Variants in CRPPA observed in about 807,000 individuals in gnomAD.
CRPPA encodes the protein D-ribitol-5-phosphate cytidylyltransferase.
A neutral mutation model predicts 52.0 loss-of-function variants in CRPPA; 43 were observed. The observed-to-expected ratio is 0.83, with a 90% CI of 0.65 to 1.07. The LOEUF (loss-of-function observed/expected upper bound fraction) is 1.07. Ranked by LOEUF, CRPPA falls within the 50% of genes least tolerant of loss-of-function variation. The pLI, the probability that CRPPA is intolerant of heterozygous loss-of-function variation, is 0.00. For synonymous variants in CRPPA, 250 were observed against 203.5 expected, an observed-to-expected ratio of 1.23 and a Z score of -1.94; for missense variants, 629 against 551.7, an observed-to-expected ratio of 1.14 and a Z score of -1.40.
intron 2 of CRPPA, among the ~76,000 whole-genome samples, chr7:16,396,638 G>A (rs1298744864): frequency 6.6e-6 from 1 of 152,220 alleles, no homozygotes; most frequent in Non-Finnish European, 1.5e-5. Flanking sequence ...ATATGTAGCA[G>A]CACAACTTGC....
chr7:16,209,745 AAC>A (rs1782079827), intron 9 of CRPPA, among the ~76,000 whole-genome samples: 1 of 152,222 alleles, frequency 6.6e-6, no homozygotes, highest in African/African-American at 2.4e-5. Flanking sequence ...TGTATATAAG[AAC>A]ACGCTACTAA....
intron 9 of CRPPA, among the ~76,000 whole-genome samples, chr7:16,152,737 G>A (rs1783101664): frequency 6.6e-6 from 1 of 151,972 alleles, no homozygotes. Context: ...ATGATTTTAA[G>A]ATTATTCCCA....
chr7:16,291,171 C>A (rs1784556517), intron 5 of CRPPA, among the ~76,000 whole-genome samples: 1 of 151,926 alleles, frequency 6.6e-6, no homozygotes, highest in Non-Finnish European at 1.5e-5. Flanking sequence ...CTCTTATACG[C>A]TGCTAGTGGA....
intron 3 of CRPPA, among the ~76,000 whole-genome samples, chr7:16,315,345 G>A (rs1785122574): frequency 6.6e-6 from 1 of 152,096 alleles, no homozygotes; most frequent in Non-Finnish European, 1.5e-5. Flanking sequence ...TAATTTCAAT[G>A]TTGCCATATC....
At chr7:16,242,298 A>T (rs2128406867) in intron 8 of CRPPA, among the ~76,000 whole-genome samples, 1 of 152,060 alleles carries the variant, frequency 6.6e-6, no homozygotes, top group South Asian at 2.1e-4. Flanking sequence ...AAATTTTATG[A>T]ATTTACCTTT....
Position 16,358,860 on chromosome 7 carries a change from G to A in CRPPA, c.684+17232C>T, listed in dbSNP as rs576412101. 7.5e-4 allele frequency among the ~76,000 whole-genome samples: 114 copies of A among 152,234 alleles called. 1 individual carries two copies. The highest frequency in any genetic ancestry group is 1.4e-3 in the Admixed American group (22 of 15,284). On this transcript the variant is annotated intron_variant, in intron 3 of 9. Coordinates refer to ENST00000407010, the MANE Select transcript of CRPPA (RefSeq NM_001101426.4). ...CATACAATGCAAAATTACATCTTTA[G>A]CTCCCAAACTGAAACATCAAGTTTT...
intron 5 of CRPPA, among the ~76,000 whole-genome samples, chr7:16,301,076 G>C (rs1784781272): frequency 6.6e-6 from 1 of 152,106 alleles, no homozygotes; most frequent in Admixed American, 6.5e-5. Context: ...CACTGTTAAG[G>C]GGAGAGGGCA....
chr7:16,186,871 C>T (rs1377206049), intron 9 of CRPPA, among the ~76,000 whole-genome samples: 1 of 152,242 alleles, frequency 6.6e-6, no homozygotes, highest in East Asian at 1.9e-4. Flanking sequence ...GTCCCACCAT[C>T]AATGGATTCA....
intron 9 of CRPPA, among the ~76,000 whole-genome samples, chr7:16,168,558 C>T (rs1437764978): frequency 6.6e-6 from 1 of 151,676 alleles, no homozygotes; most frequent in Admixed American, 6.6e-5. Context: ...CACACACACA[C>T]ACACACACAC....
Position 16,308,621 on chromosome 7 carries a change from C to A in CRPPA, c.691G>T (p.Asp231Tyr). 6.3e-7 allele frequency: 1 copy of A among 1,587,400 alleles called. No individual in the cohort carries two copies. The highest frequency in any genetic ancestry group is 8.6e-7 in the Non-Finnish European group (1 of 1,158,236). Residue 231 changes from aspartate (D) to tyrosine (Y), a missense_variant, in exon 4 of 10, where the codon GAC becomes TAC. Asp to Tyr is a radical substitution (Grantham distance 160). Coordinates refer to ENST00000407010, the MANE Select transcript of CRPPA (RefSeq NM_001101426.4). ...TCAGTTCCAAATTCCAAGTCATAGTCACTACACTGGTGTGGAAACAACAAC... is the reference window on the plus strand; with the variant it reads ...TCAGTTCCAAATTCCAAGTCATAGTAACTACACTGGTGTGGAAACAACAAC... ...VIYEAYQQCS[D>Y]YDLEFGTECL...
chr7:16,419,495 A>G (rs191494417), intron 1 of CRPPA, among the ~76,000 whole-genome samples: 30 of 151,950 alleles, frequency 2.0e-4, no homozygotes, highest in Non-Finnish European at 2.7e-4. Context: ...CAGGACTAAC[A>G]AATTAGCTAC....
intron 3 of CRPPA, among the ~76,000 whole-genome samples, chr7:16,328,170 T>G (rs1201406649): frequency 2.0e-5 from 3 of 152,228 alleles, no homozygotes; most frequent in South Asian, 2.1e-4. Context: ...TCCAGGATAC[T>G]TAAGTCTTTT....
rs2128321603 is a variant in CRPPA at position 16,421,453 on chromosome 7, G to T, written c.-131C>A. ...GACGCAGAGCGCGCAAGCAGAAGGC[G>T]CCCCCCTCAGCCGTCGGAGCCCCGC... On this transcript the variant is annotated 5_prime_UTR_variant, in exon 1 of 10. Coordinates refer to ENST00000407010, the MANE Select transcript of CRPPA (RefSeq NM_001101426.4). 2.3e-6 allele frequency: 2 copies of T among 876,176 alleles called. No homozygotes were observed. The highest frequency in any genetic ancestry group is 1.5e-6 in the Non-Finnish European group (1 of 671,500). The allele number at this position is 876,176 out of a possible 1,614,324, so 54.3% of individuals were successfully genotyped here.
rs116095786 is a variant in CRPPA at position 16,303,895 on chromosome 7, T to C, written c.790-2429A>G. Reference sequence around the variant, plus strand: ...TCAAAAGTCATTCATTCCAATAATATTGTGATTACACAAAAACTTCAGAAA... The same window carrying C: ...TCAAAAGTCATTCATTCCAATAATACTGTGATTACACAAAAACTTCAGAAA... On this transcript the variant is annotated intron_variant, in intron 4 of 9. Transcript: ENST00000407010. 8.9e-3 allele frequency among the ~76,000 whole-genome samples: 1,353 copies of C among 152,258 alleles called. 15 individuals are homozygous for C. The highest frequency in any genetic ancestry group is 0.031 in the African/African-American group (1,300 of 41,544).
chr7:16,398,762 C>T (rs1018903139), intron 2 of CRPPA, among the ~76,000 whole-genome samples: 7 of 152,074 alleles, frequency 4.6e-5, no homozygotes, highest in Non-Finnish European at 1.0e-4. Context: ...GTGACAAACA[C>T]GTGATACGTG....
Position 16,157,615 on chromosome 7 carries a change from T to C in CRPPA, c.1251+58451A>G, listed in dbSNP as rs983947543. Among the ~76,000 whole-genome samples, 3 of 152,188 alleles carry C rather than the reference T, an allele frequency of 2.0e-5. 1 individual carries two copies. The highest frequency in any genetic ancestry group is 4.4e-5 in the Non-Finnish European group (3 of 68,042). ...AGCTAAGAAAAAAGGGACTATTATA[T>C]AATTCCATTTGCAAGGACTTTTCCA... is the stretch of plus-strand genomic sequence containing the variant. On this transcript the variant is annotated intron_variant, in intron 9 of 9. Transcript: ENST00000407010.
At chr7:16,342,436 A>T (rs186610209) in intron 3 of CRPPA, among the ~76,000 whole-genome samples, 79 of 152,240 alleles carry the variant, frequency 5.2e-4, no homozygotes, top group Non-Finnish European at 9.4e-4. Flanking sequence ...GCACAAACTT[A>T]TATTTTAGGA....
At chr7:16,263,478 G>A (rs1308379153) in intron 6 of CRPPA, among the ~76,000 whole-genome samples, 8 of 152,128 alleles carry the variant, frequency 5.3e-5, no homozygotes, top group South Asian at 2.1e-4. Flanking sequence ...TAGGCCAGGC[G>A]CAGTGGCTCA....
rs867862057 is a variant in CRPPA at position 16,254,804 on chromosome 7, A to G, written c.1119+3586T>C. On this transcript the variant is annotated intron_variant, in intron 8 of 9. Transcript: ENST00000407010. Reference sequence around the variant, plus strand: ...AAGAAAGAAAGAAGGAAAGAAAGAAAGAAAGAAAGAAAGAAAGAAAGAAAG... The same window carrying G: ...AAGAAAGAAAGAAGGAAAGAAAGAAGGAAAGAAAGAAAGAAAGAAAGAAAG... Among the ~76,000 whole-genome samples the G allele has an allele frequency of 5.0e-3, 672 of 134,678 alleles. 2 individuals carry two copies. The highest frequency in any genetic ancestry group is 6.3e-3 in the Non-Finnish European group (376 of 59,982). 88.4% of individuals were successfully genotyped at this position (134,678 alleles called of 152,430 possible). A position where few individuals can be genotyped will look rare whatever the true frequency, so the allele number is the denominator to read the frequency against.
Sources: gnomAD v4.1 joint callset for allele counts (sites outside exome capture counted in the v4.1 genomes callset) on GRCh38, gnomAD v4.1.1 for gene constraint, MANE v1.5 for transcripts, NCBI Gene and HGNC (gene_info 2026-07-23, HGNC 2026-07-21) for gene names.